Variants in TCERG1L observed in about 807,000 individuals in gnomAD.
TCERG1L encodes transcription elongation regulator 1 like, also known as transcription elongation regulator 1-like protein.
TCERG1L carries 37 observed loss-of-function variants against 56.3 expected under a neutral mutation model. The observed-to-expected ratio is 0.66, with a 90% CI of 0.51 to 0.87. The LOEUF (loss-of-function observed/expected upper bound fraction) is 0.87. Ranked by LOEUF, TCERG1L falls within the 40% of genes least tolerant of loss-of-function variation. The pLI, the probability that TCERG1L is intolerant of heterozygous loss-of-function variation, is 0.00. For synonymous variants in TCERG1L, 324 were observed against 326.3 expected (o/e 0.99, Z 0.08); for missense variants, 799 against 774.2 (o/e 1.03, Z -0.38).
intron 4 of TCERG1L, among the ~76,000 whole-genome samples, chr10:131,202,632 G>A (rs1488820800): frequency 6.6e-6 from 1 of 152,070 alleles, no homozygotes; most frequent in African/African-American, 2.4e-5. Flanking sequence ...CTACATTTTG[G>A]TCTTTAAGGT....
At chr10:131,161,486 C>G (rs563071273) in intron 6 of TCERG1L, 1 of 152,186 alleles carries the variant, frequency 6.6e-6, no homozygotes, top group East Asian at 1.9e-4. Flanking sequence ...ATTTCCTGAG[C>G]GAAGAAAGCA....
chr10:131,132,680 G>C (rs976559030), intron 8 of TCERG1L, among the ~76,000 whole-genome samples: 10 of 152,242 alleles, frequency 6.6e-5, no homozygotes, highest in African/African-American at 2.2e-4. Context: ...GGTGAAATCA[G>C]AGAGGCTGCA....
intron 4 of TCERG1L, among the ~76,000 whole-genome samples, chr10:131,241,057 T>G (rs527941005): frequency 1.3e-5 from 2 of 152,178 alleles, no homozygotes; most frequent in African/African-American, 4.8e-5. Flanking sequence ...AGCGGAAGAT[T>G]GAGATCATCA....
intron 4 of TCERG1L, among the ~76,000 whole-genome samples, chr10:131,220,835 G>A (rs1845723503): frequency 6.6e-6 from 1 of 152,218 alleles, no homozygotes. Flanking sequence ...CACCTCGGGG[G>A]CTCCGAGGGT....
chr10:131,101,706 CT>C (rs57894337), intron 10 of TCERG1L, among the ~76,000 whole-genome samples: 22,242 of 148,084 alleles, frequency 0.15, 1,856 homozygotes, highest in Middle Eastern at 0.21. Flanking sequence ...AGCTGATTTT[CT>C]TTTTTTTTTT....
chr10:131,167,824 T>G (rs1214868635), intron 4 of TCERG1L, among the ~76,000 whole-genome samples: 2 of 152,228 alleles, frequency 1.3e-5, no homozygotes, highest in Non-Finnish European at 2.9e-5. Flanking sequence ...CTTTTTTGTC[T>G]TCTCCAAAAA....
chr10:131,174,466 G>A (rs564745513), intron 4 of TCERG1L, among the ~76,000 whole-genome samples: 116 of 152,228 alleles, frequency 7.6e-4, no homozygotes, highest in African/African-American at 2.7e-3. Context: ...CAGGGCTCCA[G>A]AGGTCCCCTG....
intron 4 of TCERG1L, among the ~76,000 whole-genome samples, chr10:131,197,424 A>G (rs1845377799): frequency 6.6e-6 from 1 of 151,938 alleles, no homozygotes; most frequent in Non-Finnish European, 1.5e-5. Flanking sequence ...TGACCTGGTG[A>G]TCCTCCTGCC....
intron 4 of TCERG1L, among the ~76,000 whole-genome samples, chr10:131,177,029 TAC>T (rs143251759): frequency 9.3e-6 from 1 of 107,330 alleles, no homozygotes; most frequent in African/African-American, 6.4e-5. Flanking sequence ...GATACGTGTA[TAC>T]AGACACATGC....
intron 4 of TCERG1L, among the ~76,000 whole-genome samples, chr10:131,218,373 G>T (rs181073342): frequency 2.7e-4 from 41 of 152,354 alleles, no homozygotes; most frequent in African/African-American, 8.4e-4. Flanking sequence ...ATCTCCCACA[G>T]TGGGCCTGCA....
chr10:131,130,748 C>T (rs1239384071), intron 8 of TCERG1L, among the ~76,000 whole-genome samples: 1 of 152,166 alleles, frequency 6.6e-6, no homozygotes, highest in African/African-American at 2.4e-5. Context: ...GACAACCAGC[C>T]TTGTGGAGAA....
chr10:131,097,608 A>T (rs1485951300), intron 11 of TCERG1L, among the ~76,000 whole-genome samples: 1 of 152,198 alleles, frequency 6.6e-6, no homozygotes, highest in Non-Finnish European at 1.5e-5. Flanking sequence ...TGGTCTCCCA[A>T]AGTGCTGGGA....
chr10:131,307,640 T>C (rs930695999), intron 3 of TCERG1L, among the ~76,000 whole-genome samples: 13 of 152,212 alleles, frequency 8.5e-5, no homozygotes, highest in Non-Finnish European at 1.6e-4. Context: ...AGGTTTATTA[T>C]ACAATCTTTC....
chr10:131,186,385 GAAAA>G (rs1242145338), intron 4 of TCERG1L, among the ~76,000 whole-genome samples: 2 of 152,156 alleles, frequency 1.3e-5, no homozygotes, highest in Non-Finnish European at 2.9e-5. Flanking sequence ...ATAAAGAAGA[GAAAA>G]GGTAATAAAA....
chr10:131,290,776 A>T (rs970107208), intron 3 of TCERG1L, among the ~76,000 whole-genome samples: 22 of 82,250 alleles, frequency 2.7e-4, no homozygotes, highest in African/African-American at 7.6e-4. Flanking sequence ...ATTCACGTAA[A>T]CACTTACCAC....
At position 131,260,314 on chromosome 10, in the gene TCERG1L, G is replaced by C. The variant is rs1846222362; in HGVS notation, c.801C>G (p.Arg267=). Residue 267 remains arginine (R), a synonymous_variant, in exon 4 of 12, where the codon CGC becomes CGG. Coordinates refer to ENST00000368642, the MANE Select transcript of TCERG1L (RefSeq NM_174937.4). This position sits in a 1 kb window ranked among gnomAD's most constrained non-coding sequence, Gnocchi z 5.8. ...TGATGGGTGCCAAGGTCAGGAAGTG[G>C]CGCGGCTGCACGCTGGAGGGGGACG... ...RGPSPSSVQP[R]HFLTLAPIKI... 2 of 1,450,084 alleles carry C rather than the reference G, an allele frequency of 1.4e-6. No homozygotes were observed. Among genetic ancestry groups the C allele is most frequent in the Admixed American group, 5.9e-5 (2 of 34,044 alleles). The allele number at this position is 1,450,084 out of a possible 1,614,324, so 89.8% of individuals were successfully genotyped here. A position where few individuals can be genotyped will look rare whatever the true frequency, so the allele number is the denominator to read the frequency against.
At chr10:131,215,267 A>T (rs1397882012) in intron 4 of TCERG1L, among the ~76,000 whole-genome samples, 4 of 152,238 alleles carry the variant, frequency 2.6e-5, no homozygotes, top group Admixed American at 1.3e-4. Context: ...GTCGCCCCAC[A>T]GGGAGCCAGA....
intron 4 of TCERG1L, among the ~76,000 whole-genome samples, chr10:131,222,982 TG>T (rs1281823992): frequency 6.6e-6 from 1 of 152,200 alleles, no homozygotes; most frequent in Non-Finnish European, 1.5e-5. Flanking sequence ...GGCCTAGTTC[TG>T]GTGAGGATAG....
At chr10:131,159,777 G>T (rs1041153764) in intron 6 of TCERG1L, among the ~76,000 whole-genome samples, 3 of 152,130 alleles carry the variant, frequency 2.0e-5, no homozygotes, top group African/African-American at 7.2e-5. Context: ...GCATCATGCT[G>T]CCATTAGTGA....
Sources: allele counts gnomAD v4.1 joint callset (sites outside exome capture counted in the v4.1 genomes callset), GRCh38; gene constraint gnomAD v4.1.1; non-coding constraint Gnocchi (gnomAD v3.1); transcripts MANE v1.5; gene names NCBI Gene and HGNC (gene_info 2026-07-23, HGNC 2026-07-21).